PEBP4: variants seen among roughly 807,000 people sequenced by gnomAD.
PEBP4 encodes the protein phosphatidylethanolamine binding protein 4.
In PEBP4, 22 loss-of-function variants were observed where a neutral mutation model predicts 23.9. The ratio of observed to expected loss-of-function variants is 0.92; its 90% CI spans 0.66 to 1.31. PEBP4 has a LOEUF of 1.31. PEBP4 is among the 40% of genes most tolerant of loss of function. The pLI, the probability that PEBP4 is intolerant of heterozygous loss-of-function variation, is 0.00. For missense variants in PEBP4, 324 were observed against 281.7 expected (o/e 1.15, Z -1.07); for synonymous variants, 112 against 99.3 (o/e 1.13, Z -0.76).
At chr8:22,770,883 C>G (rs1805705628) in intron 4 of PEBP4, among the ~76,000 whole-genome samples, 1 of 152,238 alleles carries the variant, frequency 6.6e-6, no homozygotes, top group South Asian at 2.1e-4. Context: ...GGCTTAGCTT[C>G]TGATGCTACC....
intron 3 of PEBP4, among the ~76,000 whole-genome samples, chr8:22,833,515 A>G (rs1301551586): frequency 1.3e-5 from 2 of 152,136 alleles, no homozygotes; most frequent in East Asian, 3.9e-4. Flanking sequence ...TATTTTTGGT[A>G]GAGATGGGGT....
chr8:22,796,870 A>G (rs2128757905), intron 4 of PEBP4, among the ~76,000 whole-genome samples: 1 of 152,216 alleles, frequency 6.6e-6, no homozygotes, highest in East Asian at 1.9e-4. Context: ...TGATGGGTAC[A>G]CTGAAAGCAC....
At chr8:22,796,987 G>C (rs1487864569) in intron 4 of PEBP4, among the ~76,000 whole-genome samples, 1 of 151,668 alleles carries the variant, frequency 6.6e-6, no homozygotes, top group African/African-American at 2.4e-5. Flanking sequence ...TGGGCACGGT[G>C]GTTCATGCCT....
At chr8:22,867,954 TCTC>T (rs1357752394) in intron 3 of PEBP4, among the ~76,000 whole-genome samples, 2 of 152,078 alleles carry the variant, frequency 1.3e-5, no homozygotes, top group African/African-American at 4.8e-5. Context: ...TAGTTACAGA[TCTC>T]CTTTTAAACA....
At chr8:22,730,109 T>A (rs1804700749) in intron 4 of PEBP4, among the ~76,000 whole-genome samples, 1 of 152,196 alleles carries the variant, frequency 6.6e-6, no homozygotes, top group Non-Finnish European at 1.5e-5. Context: ...TTCTGTGACA[T>A]CATGACAATC....
intron 3 of PEBP4, chr8:22,888,151 ACTT>A (rs1808421146): frequency 2.5e-5 from 3 of 120,174 alleles, no homozygotes; most frequent in Admixed American, 8.5e-5. Flanking sequence ...CAACCCACCC[ACTT>A]CTTTTTTTTT....
intron 3 of PEBP4, among the ~76,000 whole-genome samples, chr8:22,903,882 A>G (rs932143050): frequency 3.3e-5 from 5 of 152,206 alleles, no homozygotes; most frequent in African/African-American, 1.2e-4. Context: ...TTGCTCTCCC[A>G]TGGCAAAGAG....
chr8:22,856,515 G>A (rs1041247376), intron 3 of PEBP4, among the ~76,000 whole-genome samples: 12 of 152,272 alleles, frequency 7.9e-5, no homozygotes, highest in African/African-American at 2.2e-4. Flanking sequence ...CCAGGAGCTC[G>A]AGACGGGCCA....
intron 4 of PEBP4, among the ~76,000 whole-genome samples, chr8:22,779,727 G>C (rs561637888): frequency 2.6e-5 from 4 of 152,350 alleles, no homozygotes; most frequent in African/African-American, 9.6e-5. Flanking sequence ...GGTGAGGAAA[G>C]TCAGGTCTGG....
intron 3 of PEBP4, among the ~76,000 whole-genome samples, chr8:22,844,343 G>A (rs1175954263): frequency 1.3e-5 from 2 of 152,160 alleles, no homozygotes; most frequent in Admixed American, 6.5e-5. Flanking sequence ...GGGTTCAAGC[G>A]ATCCTCCTGC....
chr8:22,861,872 A>G lies in PEBP4; in HGVS notation c.259-44137T>C, dbSNP rs569825255. On this transcript the variant is annotated intron_variant, in intron 3 of 6. Transcript: ENST00000256404. ...TGCCACTTATAATAACCTAGTCTCA[A>G]TCTTGCGCTTTAGCGATAAGATCTT... Among the ~76,000 whole-genome samples the G allele has an allele frequency of 2.1e-3, 326 of 152,314 alleles. 3 individuals are homozygous for G. Among genetic ancestry groups the G allele is most frequent in the Non-Finnish European group, 3.2e-3 (219 of 68,022 alleles).
intron 3 of PEBP4, among the ~76,000 whole-genome samples, chr8:22,822,502 G>A (rs1474250929): frequency 2.0e-5 from 3 of 151,892 alleles, no homozygotes; most frequent in South Asian, 2.1e-4. Flanking sequence ...AAGAAATAAA[G>A]CCATATGCCC....
At chr8:22,834,335 G>A (rs1186453158) in intron 3 of PEBP4, among the ~76,000 whole-genome samples, 2 of 152,222 alleles carry the variant, frequency 1.3e-5, no homozygotes, top group Admixed American at 1.3e-4. Flanking sequence ...ATGCAAGCCG[G>A]GTGCTGCCCC....
At chr8:22,874,343 G>A (rs189451511) in intron 3 of PEBP4, among the ~76,000 whole-genome samples, 38 of 152,286 alleles carry the variant, frequency 2.5e-4, no homozygotes, top group African/African-American at 8.4e-4. Context: ...AGCCCGAAAA[G>A]CAATATCCCG....
At chr8:22,832,567 G>A (rs1355051364) in intron 3 of PEBP4, among the ~76,000 whole-genome samples, 8 of 152,108 alleles carry the variant, frequency 5.3e-5, no homozygotes, top group Admixed American at 2.0e-4. Context: ...CTTTCCTGAC[G>A]CAGAGAGAAA....
chr8:22,859,879 G>C (rs963632282), intron 3 of PEBP4, among the ~76,000 whole-genome samples: 1 of 151,702 alleles, frequency 6.6e-6, no homozygotes, highest in Non-Finnish European at 1.5e-5. Context: ...TTGTCTTTGG[G>C]AGGCTGAGGC....
At chr8:22,889,445 C>T (rs757630440) in intron 3 of PEBP4, among the ~76,000 whole-genome samples, 9 of 152,170 alleles carry the variant, frequency 5.9e-5, no homozygotes, top group Non-Finnish European at 1.3e-4. Context: ...CTCCTTTCTG[C>T]TCTAAGGCTC....
Position 22,882,493 on chromosome 8 carries a change from G to A in PEBP4, c.258+37691C>T, listed in dbSNP as rs2128772630. Among the ~76,000 whole-genome samples the A allele has an allele frequency of 2.6e-5, 4 of 152,342 alleles. No homozygotes were observed. The Middle Eastern group carries it at 0.01, about 389-fold the overall frequency. On this transcript the variant is annotated intron_variant, in intron 3 of 6. Coordinates refer to ENST00000256404, the MANE Select transcript of PEBP4 (RefSeq NM_144962.3). The stretch of plus-strand genomic sequence containing the variant: ...CACGACTTTTTGTCATGCACGCATG[G>A]TGATGCTACCATGCCCTATTTTGAT...
chr8:22,804,877 A>G (rs1585282229), intron 4 of PEBP4, among the ~76,000 whole-genome samples: 1 of 151,908 alleles, frequency 6.6e-6, no homozygotes, highest in Non-Finnish European at 1.5e-5. Flanking sequence ...ACCAGTCCCC[A>G]TCTGATTCTG....
Sources: allele counts gnomAD v4.1 joint callset (sites outside exome capture counted in the v4.1 genomes callset), GRCh38; gene constraint gnomAD v4.1.1; transcripts MANE v1.5; gene names NCBI Gene and HGNC (gene_info 2026-07-23, HGNC 2026-07-21).